Variants in LEPR observed in about 807,000 individuals in gnomAD.
The protein encoded by LEPR is OB receptor.
A neutral mutation model predicts 114.7 loss-of-function variants in LEPR; 56 were observed. That is an observed-to-expected ratio of 0.49 (90% confidence interval 0.39 to 0.61). LEPR has a LOEUF of 0.61. Among genes scored for constraint, LEPR ranks in the 20% least tolerant of loss-of-function variants. The pLI is 0.00. For synonymous variants in LEPR, 443 were observed against 461.4 expected (o/e 0.96, Z 0.51); for missense variants, 1,202 against 1,352.9 (o/e 0.89, Z 1.75).
chr1:65,428,824 G>A lies in LEPR; in HGVS notation c.-21+3446G>A, dbSNP rs138880846. Among the ~76,000 whole-genome samples the A allele has an allele frequency of 9.0e-3, 1,374 of 152,202 alleles. 26 individuals carry two copies. The highest frequency in any genetic ancestry group is 0.032 in the African/African-American group (1,321 of 41,544). Reference sequence around the variant, plus strand: ...ATAGAGAAAATACTGTTGGAAACCAGATGGCAATTTTTTTTTTATAATTGC... The same window carrying A: ...ATAGAGAAAATACTGTTGGAAACCAAATGGCAATTTTTTTTTTATAATTGC... On this transcript the variant is annotated intron_variant, in intron 2 of 19. Transcript: ENST00000349533.
intron 2 of LEPR, among the ~76,000 whole-genome samples, chr1:65,438,318 G>A (rs571797143): frequency 4.1e-4 from 62 of 151,932 alleles, no homozygotes; most frequent in Non-Finnish European, 5.7e-4. Context: ...TTGGGAGGCC[G>A]AGGTGGGCAG....
chr1:65,539,678 T>C (rs1394682715), intron 2 of LEPR, among the ~76,000 whole-genome samples: 1 of 152,238 alleles, frequency 6.6e-6, no homozygotes, highest in Non-Finnish European at 1.5e-5. Context: ...GAATTTCCAC[T>C]TAATAAGCCC....
chr1:65,547,171 C>T (rs369937248), intron 2 of LEPR, among the ~76,000 whole-genome samples: 110,930 of 150,726 alleles, frequency 0.74, 42,071 homozygotes, highest in Middle Eastern at 0.89. Context: ...TTGATCATGG[C>T]GGATAAGCTT....
chr1:65,487,919 T>G (rs961915616), intron 2 of LEPR, among the ~76,000 whole-genome samples: 1 of 151,676 alleles, frequency 6.6e-6, no homozygotes, highest in Non-Finnish European at 1.5e-5. Context: ...TTTTTCGTCT[T>G]TCTTTTCTGT....
chr1:65,556,139 C>A (rs1307480457), intron 2 of LEPR, among the ~76,000 whole-genome samples: 1 of 152,146 alleles, frequency 6.6e-6, no homozygotes, highest in Non-Finnish European at 1.5e-5. Flanking sequence ...AGCTTGTTCA[C>A]CCCTTCTGCC....
intron 16 of LEPR, 86 bp downstream of exon 16, chr1:65,618,232 G>GA: frequency 7.8e-7 from 1 of 1,283,908 alleles, no homozygotes; most frequent in Non-Finnish European, 1.1e-6. Context: ...GCCAGTTAAT[G>GA]AAAACTTCAA....
At chr1:65,516,491 AT>A (rs1649295076) in intron 2 of LEPR, among the ~76,000 whole-genome samples, 1 of 152,140 alleles carries the variant, frequency 6.6e-6, no homozygotes, top group South Asian at 2.1e-4. Flanking sequence ...ACTACTTTCC[AT>A]TGCTAAATGT....
At chr1:65,599,093 T>C (rs1412480174) in intron 8 of LEPR, among the ~76,000 whole-genome samples, 1 of 152,180 alleles carries the variant, frequency 6.6e-6, no homozygotes, top group African/African-American at 2.4e-5. Flanking sequence ...TTTGTATTGA[T>C]AATTCCTTAA....
chr1:65,538,278 T>C (rs1306758925), intron 2 of LEPR, among the ~76,000 whole-genome samples: 1 of 152,138 alleles, frequency 6.6e-6, no homozygotes. Flanking sequence ...CAAGTTTTTT[T>C]CTGGCTTCAG....
chr1:65,482,763 G>A (rs947242874), intron 2 of LEPR, among the ~76,000 whole-genome samples: 1 of 152,084 alleles, frequency 6.6e-6, no homozygotes, highest in Non-Finnish European at 1.5e-5. Flanking sequence ...CAAGGCAGGC[G>A]TATCACAAGG....
chr1:65,518,911 T>TTCTTTCTTTCTTTCTTTCTTTCTC (rs1553160637), intron 2 of LEPR, among the ~76,000 whole-genome samples: 1 of 85,228 alleles, frequency 1.2e-5, no homozygotes, highest in African/African-American at 3.8e-5. Context: ...CTTTCTTTCT[T>TTCTTTCTTTCTTTCTTTCTTTCTC]TCTTTCTCTC....
intron 2 of LEPR, among the ~76,000 whole-genome samples, chr1:65,529,397 C>T (rs1650219285): frequency 6.6e-6 from 1 of 151,920 alleles, no homozygotes; most frequent in South Asian, 2.1e-4. Context: ...TGGCAGGCGC[C>T]TGTAATCCCA....
chr1:65,457,907 C>T (rs1470592789), intron 2 of LEPR, among the ~76,000 whole-genome samples: 3 of 152,322 alleles, frequency 2.0e-5, no homozygotes, highest in Admixed American at 2.0e-4. Context: ...GGTTCACCTG[C>T]ATGAGTTTTG....
At chr1:65,610,668 C>T (rs1409361055) in intron 14 of LEPR, among the ~76,000 whole-genome samples, 1 of 152,144 alleles carries the variant, frequency 6.6e-6, no homozygotes, top group Non-Finnish European at 1.5e-5. Context: ...GTAAATGTCA[C>T]CTTCCCCGCA....
rs1169304727 is a variant in LEPR, at chr1:65,633,605, A to G, written c.2674-2586A>G. The G allele has an allele frequency of 3.0e-6, 3 of 985,398 alleles. No homozygotes were observed. Among genetic ancestry groups the G allele is most frequent in the South Asian group, 9.3e-5 (2 of 21,472 alleles). The allele number at this position is 985,398 out of a possible 1,614,324, so 61.0% of individuals were successfully genotyped here. The stretch of plus-strand genomic sequence containing the variant: ...AAATAGCTTTAAAAATACAATGATT[A>G]TAAGTATGGAATCAGTGAAAATATT... On this transcript the variant is annotated intron_variant, in intron 19 of 19. Transcript: ENST00000349533. The surrounding 1 kb of genome is among the most constrained non-coding windows in gnomAD (Gnocchi z 4.1).
At chr1:65,537,964 T>C (rs757463739) in intron 2 of LEPR, among the ~76,000 whole-genome samples, 2 of 152,198 alleles carry the variant, frequency 1.3e-5, no homozygotes, top group Non-Finnish European at 2.9e-5. Context: ...AGATTCTTTC[T>C]TTCAAATGGA....
chr1:65,556,540 G>A (rs761454378), intron 2 of LEPR, among the ~76,000 whole-genome samples: 9 of 152,166 alleles, frequency 5.9e-5, no homozygotes, highest in Admixed American at 3.9e-4. Context: ...TCCTCATGGC[G>A]TTGATACACT....
intron 2 of LEPR, among the ~76,000 whole-genome samples, chr1:65,464,238 C>T (rs975753497): frequency 7.2e-5 from 11 of 152,100 alleles, no homozygotes; most frequent in East Asian, 1.9e-4. Context: ...GCATGAAGGG[C>T]GGTTGAATTT....
At chr1:65,430,444 A>G (rs1055345348) in intron 2 of LEPR, 12 of 156,086 alleles carry the variant, frequency 7.7e-5, no homozygotes, top group Admixed American at 6.5e-4. Context: ...TCAACTCAGT[A>G]TAATAGGTAT....
Sources: allele counts gnomAD v4.1 joint callset (sites outside exome capture counted in the v4.1 genomes callset), GRCh38; gene constraint gnomAD v4.1.1; non-coding constraint Gnocchi (gnomAD v3.1); transcripts MANE v1.5; gene names NCBI Gene and HGNC (gene_info 2026-07-23, HGNC 2026-07-21).